NSD3: variants seen among roughly 807,000 people sequenced by gnomAD.
NSD3 encodes the protein nuclear receptor binding SET domain protein 3, also known as histone-lysine N-methyltransferase NSD3.
NSD3 carries 24 observed loss-of-function variants against 160.8 expected under a neutral mutation model. That is an observed-to-expected ratio of 0.15 (90% CI 0.11 to 0.21). The LOEUF (loss-of-function observed/expected upper bound fraction) is 0.21, where lower values mean the gene tolerates loss of function less well. Among genes scored for constraint, NSD3 ranks in the 10% least tolerant of loss-of-function variants. The pLI is 1.00. For missense variants in NSD3, 1,157 were observed against 1,735.9 expected (o/e 0.67, Z 5.93); for synonymous variants, 520 against 600.0 (o/e 0.87, Z 1.95).
intron 14 of NSD3, 87 bp from the exon 15 acceptor site, chr8:38,299,677 T>C (rs774631976): frequency 9.0e-6 from 12 of 1,335,176 alleles, no homozygotes; most frequent in Non-Finnish European, 1.2e-5. Flanking sequence ...CTATTATGTA[T>C]GCTTCAAAGC....
chr8:38,348,228 AAG>A lies in NSD3; in HGVS notation c.-44-15_-44-14del. 6.6e-7 allele frequency: 1 copy of A among 1,507,348 alleles called. No homozygotes were observed. Among genetic ancestry groups the A allele is most frequent in the South Asian group, 1.3e-5 (1 of 74,338 alleles). 93.4% of individuals were successfully genotyped at this position (1,507,348 alleles called of 1,614,324 possible). A position where few individuals can be genotyped will look rare whatever the true frequency, so the allele number is the denominator to read the frequency against. On this transcript the variant is annotated splice_polypyrimidine_tract_variant and intron_variant, in intron 1 of 23. Transcript: ENST00000317025. ...TCTCTCATCGGGCCTAAAATTATAAAAGAGGGGATTAGAAGGTGTTACTATTC... is the reference window on the plus strand; with the variant it reads ...TCTCTCATCGGGCCTAAAATTATAAAAGGGGATTAGAAGGTGTTACTATTC...
chr8:38,360,931 GT>G (rs1810945064), intron 1 of NSD3, among the ~76,000 whole-genome samples: 1 of 152,124 alleles, frequency 6.6e-6, no homozygotes, highest in Non-Finnish European at 1.5e-5. Flanking sequence ...ATCAACAGAA[GT>G]TACCCTTCCA....
At chr8:38,345,999 T>C (rs1371568018) in intron 2 of NSD3, among the ~76,000 whole-genome samples, 3 of 152,020 alleles carry the variant, frequency 2.0e-5, no homozygotes, top group Non-Finnish European at 2.9e-5. Context: ...GAACTAGGTA[T>C]AGCAGACATC....
intron 16 of NSD3, among the ~76,000 whole-genome samples, chr8:38,294,751 G>A (rs1297722222): frequency 6.6e-6 from 1 of 152,080 alleles, no homozygotes; most frequent in East Asian, 1.9e-4. Context: ...GCTGAGGCAG[G>A]AGGATCGCTT....
chr8:38,370,785 T>C (rs1471201203), intron 1 of NSD3, among the ~76,000 whole-genome samples: 1 of 152,180 alleles, frequency 6.6e-6, no homozygotes, highest in African/African-American at 2.4e-5. Context: ...TTTAAATGGA[T>C]AAATTTTGGG....
intron 6 of NSD3, among the ~76,000 whole-genome samples, chr8:38,328,174 G>A (rs1466572052): frequency 6.6e-6 from 1 of 152,054 alleles, no homozygotes; most frequent in African/African-American, 2.4e-5. Flanking sequence ...CACAGAGTGA[G>A]ACCTCATCTC....
rs1585846388 is a variant in NSD3 at position 38,275,164 on chromosome 8, GC to G, written c.*476del. 3.3e-5 allele frequency: 8 copies of G among 240,446 alleles called. No individual in the cohort carries two copies. In the East Asian group the frequency reaches 4.8e-4, roughly 14 times the overall value. The allele number at this position is 240,446 out of a possible 1,614,324, so 14.9% of individuals were successfully genotyped here. ...AGCTTATCATACCCTTTCCTAGAGG[GC>G]TTTCTCAGATTCCTACTTAAAACAC... On this transcript the variant is annotated 3_prime_UTR_variant, in exon 24 of 24. Coordinates refer to ENST00000317025, the MANE Select transcript of NSD3 (RefSeq NM_023034.2).
intron 2 of NSD3, among the ~76,000 whole-genome samples, chr8:38,342,288 CAG>C (rs142050204): frequency 6.6e-6 from 1 of 152,220 alleles, no homozygotes; most frequent in East Asian, 1.9e-4. Flanking sequence ...CATTCAGAGA[CAG>C]AGACAAGTTT....
At chr8:38,373,830 G>T (rs1374483328) in intron 1 of NSD3, among the ~76,000 whole-genome samples, 8 of 150,606 alleles carry the variant, frequency 5.3e-5, no homozygotes, top group African/African-American at 1.2e-4. Context: ...CAGCACAGTG[G>T]CTCATGCCTA....
chr8:38,309,425 G>GC (rs1452037003), intron 12 of NSD3, among the ~76,000 whole-genome samples: 1 of 152,114 alleles, frequency 6.6e-6, no homozygotes, highest in Non-Finnish European at 1.5e-5. Context: ...CTGAGATTGC[G>GC]CCACTGCACT....
rs774758940 is a variant in NSD3 at position 38,299,472 on chromosome 8, CGAA to C, written c.2727_2729del (p.Ser911del). ...TCTCACATTTCTTTTTGGAAGCTGA[CGAA>C]GAAGGAATCATAGGTAATTTCATCA... is the stretch of plus-strand genomic sequence containing the variant. On this transcript the variant is annotated inframe_deletion, in exon 15 of 24. Transcript: ENST00000317025. 6.8e-6 allele frequency: 11 copies of C among 1,611,918 alleles called. No individual in the cohort carries two copies. The highest frequency in any genetic ancestry group is 2.7e-5 in the African/African-American group (2 of 74,798).
chr8:38,379,430 AAGT>A (rs1238344780), intron 1 of NSD3, among the ~76,000 whole-genome samples: 11 of 152,330 alleles, frequency 7.2e-5, no homozygotes, highest in African/African-American at 2.6e-4. Context: ...CATGTCAATC[AAGT>A]AGGAGATATA....
At position 38,341,373 on chromosome 8, in the gene NSD3, A is replaced by G. The variant is rs886412822; in HGVS notation, c.676-2766T>C. 2.0e-5 allele frequency among the ~76,000 whole-genome samples: 3 copies of G among 152,056 alleles called. No individual in the cohort carries two copies. In the East Asian group the frequency reaches 5.8e-4, roughly 29 times the overall value. On this transcript the variant is annotated intron_variant, in intron 2 of 23. Coordinates refer to ENST00000317025, the MANE Select transcript of NSD3 (RefSeq NM_023034.2). ...GCCAAGATGGTGAAACCCTGTCTCTACTAAAAATAGAAAAATTAGCCAGGC... is the reference window on the plus strand; with the variant it reads ...GCCAAGATGGTGAAACCCTGTCTCTGCTAAAAATAGAAAAATTAGCCAGGC...
At chr8:38,312,164 T>C (rs948561439) in intron 12 of NSD3, among the ~76,000 whole-genome samples, 6 of 152,336 alleles carry the variant, frequency 3.9e-5, no homozygotes, top group Admixed American at 1.3e-4. Flanking sequence ...TTTATGCCAG[T>C]ATCACACTGT....
chr8:38,349,703 T>C (rs1333796519), intron 1 of NSD3, among the ~76,000 whole-genome samples: 3 of 133,978 alleles, frequency 2.2e-5, no homozygotes, highest in Admixed American at 7.5e-5. Flanking sequence ...GTATTTATTA[T>C]ACTTTAAGTT....
chr8:38,315,115 G>A (rs548945695), intron 11 of NSD3, among the ~76,000 whole-genome samples: 4 of 151,994 alleles, frequency 2.6e-5, no homozygotes, highest in Non-Finnish European at 5.9e-5. Flanking sequence ...TTTCAAGAAC[G>A]GTAAAAATAC....
At chr8:38,361,482 G>A (rs1197243566) in intron 1 of NSD3, among the ~76,000 whole-genome samples, 4 of 151,520 alleles carry the variant, frequency 2.6e-5, no homozygotes, top group African/African-American at 7.3e-5. Context: ...GGGGCCGGGC[G>A]CGGTGGCTCA....
chr8:38,322,815 T>G (rs141791607), intron 7 of NSD3, among the ~76,000 whole-genome samples: 48 of 152,306 alleles, frequency 3.2e-4, no homozygotes, highest in African/African-American at 1.1e-3. Flanking sequence ...TCCCTGAAAT[T>G]TACTAAGAAA....
At chr8:38,365,603 G>A (rs1253707285) in intron 1 of NSD3, among the ~76,000 whole-genome samples, 1 of 152,134 alleles carries the variant, frequency 6.6e-6, no homozygotes, top group Non-Finnish European at 1.5e-5. Flanking sequence ...CACCAGAGTA[G>A]CTGCAATTAC....
Sources: allele counts gnomAD v4.1 joint callset (sites outside exome capture counted in the v4.1 genomes callset), GRCh38; gene constraint gnomAD v4.1.1; transcripts MANE v1.5; gene names NCBI Gene and HGNC (gene_info 2026-07-23, HGNC 2026-07-21).